The following MYO3A variants were observed in gnomAD, a reference collection of about 807,000 sequenced individuals.
MYO3A encodes myosin-IIIa.
In MYO3A, 180 loss-of-function variants were observed where a neutral mutation model predicts 192.7. The observed-to-expected ratio is 0.93, with a 90% CI of 0.83 to 1.06. The LOEUF (loss-of-function observed/expected upper bound fraction) is 1.06. Ranked by LOEUF, MYO3A falls within the 50% of genes least tolerant of loss-of-function variation. The probability of loss-of-function intolerance (pLI) is 0.00; values close to 1 mark genes in which losing one functional copy is unlikely to be tolerated. For synonymous variants in MYO3A, 628 were observed against 645.3 expected (o/e 0.97, Z 0.41); for missense variants, 1,896 against 1,905.0 (o/e 1.00, Z 0.09).
intron 10 of MYO3A, among the ~76,000 whole-genome samples, chr10:26,047,306 A>G (rs59914029): frequency 0.16 from 24,659 of 152,078 alleles, 2,268 homozygotes; most frequent in Non-Finnish European, 0.21. Context: ...CCAGAAAAAA[A>G]TTATTGTAGA....
intron 10 of MYO3A, among the ~76,000 whole-genome samples, chr10:26,038,650 C>A (rs1426698338): frequency 6.6e-6 from 1 of 151,918 alleles, no homozygotes; most frequent in Non-Finnish European, 1.5e-5. Context: ...AATATGACTT[C>A]CTCCTTTTCA....
chr10:26,201,578 C>T (rs1342633907), intron 33 of MYO3A, among the ~76,000 whole-genome samples: 2 of 151,418 alleles, frequency 1.3e-5, no homozygotes, highest in Non-Finnish European at 2.9e-5. Flanking sequence ...CCCAGCTACT[C>T]AGGAGGCTGA....
chr10:26,115,248 C>G (rs1358088695), intron 17 of MYO3A, among the ~76,000 whole-genome samples: 1 of 152,130 alleles, frequency 6.6e-6, no homozygotes, highest in Non-Finnish European at 1.5e-5. Context: ...GTGGCAAGAC[C>G]AGAGGCAAGG....
intron 31 of MYO3A, among the ~76,000 whole-genome samples, chr10:26,192,446 C>T (rs892403356): frequency 1.2e-4 from 18 of 152,124 alleles, no homozygotes; most frequent in Admixed American, 9.2e-4. Flanking sequence ...CTTGGATAGA[C>T]GGGTCACTGC....
rs750746979 is a variant in MYO3A at position 26,024,024 on chromosome 10, A to G, written c.734A>G (p.Asn245Ser). Residue 245 changes from asparagine to serine, a missense_variant and splice_region_variant, in exon 9 of 35, where the codon AAT becomes AGT. Asn to Ser is a conservative substitution (Grantham distance 46, BLOSUM62 1). Coordinates refer to ENST00000642920, the MANE Select transcript of MYO3A (RefSeq NM_017433.5). Reference sequence around the variant, plus strand: ...AACATTGATTCTTATTTTTCTAGGAATCCACCCCCAAAACTAAGGCAGCCT... The same window carrying G: ...AACATTGATTCTTATTTTTCTAGGAGTCCACCCCCAAAACTAAGGCAGCCT... ...PMRALFKIPR[N>S]PPPKLRQPEL... 6.2e-7 allele frequency: 1 copy of G among 1,612,452 alleles called. No individual in the cohort carries two copies. The highest frequency in any genetic ancestry group is 1.7e-5 in the Admixed American group (1 of 60,006).
At chr10:26,193,729 G>C (rs1843265430) in intron 32 of MYO3A, among the ~76,000 whole-genome samples, 1 of 152,138 alleles carries the variant, frequency 6.6e-6, no homozygotes, top group Non-Finnish European at 1.5e-5. Flanking sequence ...TAAATTCCAG[G>C]CCTAGAATAA....
chr10:26,016,850 A>G lies in MYO3A; in HGVS notation c.539A>G (p.His180Arg), dbSNP rs1352565839. 6.2e-7 allele frequency: 1 copy of G among 1,614,190 alleles called. No individual in the cohort carries two copies. The highest frequency in any genetic ancestry group is 8.5e-7 in the Non-Finnish European group (1 of 1,180,020). The change falls in exon 7 of 35, where the codon CAC (histidine) becomes CGC (arginine). Residue 180 changes from histidine to arginine, a missense_variant. Transcript: ENST00000642920. Reference sequence around the variant, plus strand: ...TCTGCACAGCTCACCAGTACCCGGCACCGTCGGAACACATCCGTAGGAACA... The same window carrying G: ...TCTGCACAGCTCACCAGTACCCGGCGCCGTCGGAACACATCCGTAGGAACA... ...GVSAQLTSTR[H>R]RRNTSVGTPF...
chr10:26,139,288 G>A (rs973292138), intron 20 of MYO3A, among the ~76,000 whole-genome samples: 4 of 152,036 alleles, frequency 2.6e-5, no homozygotes, highest in African/African-American at 7.2e-5. Flanking sequence ...CCAGGCTGGA[G>A]TGCAATGAAT....
chr10:26,113,468 C>CA lies in MYO3A; in HGVS notation c.1777-7201dup, dbSNP rs1268171366. On this transcript the variant is annotated intron_variant, in intron 17 of 34. Coordinates refer to ENST00000642920, the MANE Select transcript of MYO3A (RefSeq NM_017433.5). ...CTGGCAATAGAGCAAGACTACGTCTCAAAAAAACAAAAAAAAAAACAAAAA... is the reference window on the plus strand; with the variant it reads ...CTGGCAATAGAGCAAGACTACGTCTCAAAAAAAACAAAAAAAAAAACAAAAA... 8.1e-3 allele frequency among the ~76,000 whole-genome samples: 657 copies of CA among 81,606 alleles called. 12 individuals carry two copies. The highest frequency in any genetic ancestry group is 0.077 in the East Asian group (284 of 3,690). 53.5% of individuals were successfully genotyped at this position (81,606 alleles called of 152,430 possible).
chr10:26,104,289 G>A (rs1331496308), intron 17 of MYO3A, among the ~76,000 whole-genome samples: 1 of 152,022 alleles, frequency 6.6e-6, no homozygotes, highest in Non-Finnish European at 1.5e-5. Context: ...AAAGATTTAT[G>A]CCTAAGCTTT....
chr10:26,197,919 C>A (rs1843492560), intron 32 of MYO3A, among the ~76,000 whole-genome samples: 1 of 152,192 alleles, frequency 6.6e-6, no homozygotes, highest in Non-Finnish European at 1.5e-5. Context: ...TGTGTGACTT[C>A]CCCCTCTAAA....
chr10:26,088,114 C>T lies in MYO3A; in HGVS notation c.1360-89C>T, dbSNP rs540505924. The T allele has an allele frequency of 3.6e-4, 375 of 1,047,900 alleles. 6 individuals are homozygous for T. The South Asian group carries it at 5.0e-3, about 14-fold the overall frequency. 64.9% of individuals were successfully genotyped at this position (1,047,900 alleles called of 1,614,324 possible). On this transcript the variant is annotated intron_variant, in intron 14 of 34. Transcript: ENST00000642920. ...ACATGCTTTTGTATGTTTATATCTA[C>T]ATAAATTGCTTACCAAAGAAGAGAC...
Position 26,098,585 on chromosome 10 carries a change from T to G in MYO3A, c.1776+1903T>G, listed in dbSNP as rs560605830. ...CTTTAATCCATGTTGAATTAATTTT[T>G]GTATAAGGTGTAAGGAAGGGATCCA... is the stretch of plus-strand genomic sequence containing the variant. On this transcript the variant is annotated intron_variant, in intron 17 of 34. Transcript: ENST00000642920. Among the ~76,000 whole-genome samples, 8 of 152,360 alleles carry G rather than the reference T, an allele frequency of 5.3e-5. No individual in the cohort carries two copies. The South Asian group carries it at 1.7e-3, about 32-fold the overall frequency.
chr10:26,026,631 G>T, intron 10 of MYO3A, 99 bp downstream of exon 10: 4 of 1,397,170 alleles, frequency 2.9e-6, no homozygotes, highest in Non-Finnish European at 4.0e-6. Context: ...AAATTTGGAG[G>T]TAATGGGGAC....
intron 7 of MYO3A, among the ~76,000 whole-genome samples, chr10:26,018,245 G>A (rs982869052): frequency 6.7e-6 from 1 of 150,132 alleles, no homozygotes; most frequent in African/African-American, 2.4e-5. Context: ...CATGAAAAAA[G>A]GTTCACTACA....
chr10:26,109,771 G>A (rs1459563368), intron 17 of MYO3A, among the ~76,000 whole-genome samples: 1 of 152,136 alleles, frequency 6.6e-6, no homozygotes, highest in Non-Finnish European at 1.5e-5. Flanking sequence ...TACTTTTACA[G>A]GTCCAGAATT....
intron 34 of MYO3A, among the ~76,000 whole-genome samples, chr10:26,210,532 T>A (rs1242363366): frequency 6.6e-6 from 1 of 152,330 alleles, no homozygotes; most frequent in African/African-American, 2.4e-5. Context: ...TAAGCCACTA[T>A]CGGTCTTGCT....
chr10:26,044,413 G>T (rs72793978), intron 10 of MYO3A, among the ~76,000 whole-genome samples: 24,656 of 152,062 alleles, frequency 0.16, 2,264 homozygotes, highest in Non-Finnish European at 0.21. Flanking sequence ...CTAGAGCACT[G>T]TAGCCCATGC....
At chr10:26,151,594 TGC>T (rs1443833192) in intron 23 of MYO3A, among the ~76,000 whole-genome samples, 1 of 152,182 alleles carries the variant, frequency 6.6e-6, no homozygotes, top group East Asian at 1.9e-4. Context: ...AGCACATAGT[TGC>T]GTCTTGGTTT....
Sources: gnomAD v4.1 joint callset for allele counts (sites outside exome capture counted in the v4.1 genomes callset) on GRCh38, gnomAD v4.1.1 for gene constraint, MANE v1.5 for transcripts, NCBI Gene and HGNC (gene_info 2026-07-23, HGNC 2026-07-21) for gene names.